ANK3: variants seen among roughly 807,000 people sequenced by gnomAD.
The protein encoded by ANK3 is ankyrin-3.
In ANK3, 57 loss-of-function variants were observed where a neutral mutation model predicts 370.9. That is an observed-to-expected ratio of 0.15 (90% confidence interval 0.12 to 0.19). The LOEUF is 0.19. Ranked by LOEUF, ANK3 falls within the 10% of genes least tolerant of loss-of-function variation. The pLI, the probability that ANK3 is intolerant of heterozygous loss-of-function variation, is 1.00. For missense variants in ANK3, 4,439 were observed against 5,302.1 expected, an observed-to-expected ratio of 0.84 and a Z score of 5.06; for synonymous variants, 1,929 against 1,946.3, an observed-to-expected ratio of 0.99 and a Z score of 0.23.
At chr10:60,375,097 G>C (rs1031601295) in intron 1 of ANK3, among the ~76,000 whole-genome samples, 18 of 152,126 alleles carry the variant, frequency 1.2e-4, no homozygotes, top group African/African-American at 4.3e-4. Context: ...TGTTTCTCTG[G>C]GTGATCTTTG....
chr10:60,125,638 A>T (rs1441238558), intron 25 of ANK3, among the ~76,000 whole-genome samples: 1 of 152,172 alleles, frequency 6.6e-6, no homozygotes, highest in Non-Finnish European at 1.5e-5. Flanking sequence ...AAATTAGCTT[A>T]TGTGAAAGAA....
intron 1 of ANK3, among the ~76,000 whole-genome samples, chr10:60,353,153 GTTTTGTTT>G: frequency 7.4e-6 from 1 of 135,868 alleles, no homozygotes; most frequent in Non-Finnish European, 1.6e-5. Flanking sequence ...GCTAATTTTT[GTTTTGTTT>G]TTTTTTTTTT....
intron 2 of ANK3, among the ~76,000 whole-genome samples, chr10:60,547,804 A>G (rs1164872321): frequency 6.6e-6 from 1 of 152,176 alleles, no homozygotes; most frequent in Non-Finnish European, 1.5e-5. Flanking sequence ...AAAGACAAGC[A>G]GTTACCTATT....
chr10:60,389,317 A>G, intron 1 of ANK3, 108 bp downstream of exon 1: 1 of 1,048,364 alleles, frequency 9.5e-7, no homozygotes, highest in Non-Finnish European at 1.4e-6. Flanking sequence ...CCCAATTTAC[A>G]CTCTACCCAG....
chr10:60,654,881 C>G (rs79232175), intron 1 of ANK3, among the ~76,000 whole-genome samples: 1 of 152,230 alleles, frequency 6.6e-6, no homozygotes, highest in East Asian at 1.9e-4. Flanking sequence ...CAGTCATACA[C>G]TGCACGTTGA....
chr10:60,475,033 A>T (rs1230288589), intron 2 of ANK3, among the ~76,000 whole-genome samples: 4 of 152,178 alleles, frequency 2.6e-5, no homozygotes, highest in African/African-American at 9.6e-5. Context: ...ACCTATTGAA[A>T]TGTGTGTCAT....
intron 1 of ANK3, among the ~76,000 whole-genome samples, chr10:60,370,460 A>G (rs1009729355): frequency 6.6e-6 from 1 of 152,170 alleles, no homozygotes; most frequent in African/African-American, 2.4e-5. Flanking sequence ...AAAAGAAAAA[A>G]TATATAAAAA....
intron 2 of ANK3, among the ~76,000 whole-genome samples, chr10:60,464,429 A>G (rs553691763): frequency 1.4e-4 from 21 of 152,318 alleles, no homozygotes; most frequent in African/African-American, 5.1e-4. Flanking sequence ...ATTCCAAGAT[A>G]TCTGACATAA....
At chr10:60,722,745 G>A (rs1004277702) in intron 1 of ANK3, among the ~76,000 whole-genome samples, 2 of 152,132 alleles carry the variant, frequency 1.3e-5, no homozygotes, top group African/African-American at 4.8e-5. Flanking sequence ...TGATGAGTGA[G>A]ATCTCACTCA....
chr10:60,276,515 G>A (rs534729488), intron 4 of ANK3, among the ~76,000 whole-genome samples: 1 of 152,308 alleles, frequency 6.6e-6, no homozygotes, highest in Admixed American at 6.5e-5. Flanking sequence ...AGATGAAGGG[G>A]CAAATGCTTT....
In ANK3 at chr10:60,075,981, A is replaced by G. The variant is rs750670521; in HGVS notation, c.4900T>C (p.Leu1634=). The G allele has an allele frequency of 4.3e-6, 7 of 1,614,176 alleles. No individual in the cohort carries two copies. The highest frequency in any genetic ancestry group is 4.5e-5 in the East Asian group (2 of 44,872). ...GTCATAGTAATTGATGACCTCTCCA[A>G]AAGAGACCCTGCTGTAGTCACTGGA... is the stretch of plus-strand genomic sequence containing the variant. ...TSPVTTAGSL[L]ERSSITMTPP... is the part of the protein sequence containing the mutation. Residue 1634 remains leucine (L), a synonymous_variant, in exon 37 of 44, where the codon TTG becomes CTG. Coordinates refer to ENST00000280772, the MANE Select transcript of ANK3 (RefSeq NM_020987.5).
rs377377043 is a variant in ANK3, at chr10:60,133,868, G to A, written c.2841+403C>T. The stretch of plus-strand genomic sequence containing the variant: ...CAGGAGGCAGAGGCTGCAGTGAGCT[G>A]ACATCATGCCACTGCACTCCAGCCT... On this transcript the variant is annotated intron_variant, in intron 25 of 43. Coordinates refer to ENST00000280772, the MANE Select transcript of ANK3 (RefSeq NM_020987.5). Among the ~76,000 whole-genome samples the A allele has an allele frequency of 8.3e-4, 127 of 152,242 alleles. 1 individual carries two copies. The highest frequency in any genetic ancestry group is 2.8e-3 in the African/African-American group (116 of 41,570).
chr10:60,375,160 A>G (rs112091663), intron 1 of ANK3, among the ~76,000 whole-genome samples: 2,566 of 152,300 alleles, frequency 0.017, 69 homozygotes, highest in African/African-American at 0.059. Flanking sequence ...AGATGTGAGA[A>G]AAAATAAGTC....
At chr10:60,109,615 T>G (rs2092528776) in intron 26 of ANK3, among the ~76,000 whole-genome samples, 1 of 152,168 alleles carries the variant, frequency 6.6e-6, no homozygotes, top group South Asian at 2.1e-4. Context: ...GTGATTTTGA[T>G]GGAAAGAGAT....
intron 1 of ANK3, among the ~76,000 whole-genome samples, chr10:60,695,405 T>C (rs1287517001): frequency 1.3e-5 from 2 of 152,150 alleles, no homozygotes; most frequent in Non-Finnish European, 2.9e-5. Context: ...GCAGACCTAA[T>C]AGACTTCTAC....
intron 2 of ANK3, among the ~76,000 whole-genome samples, chr10:60,440,124 G>A (rs188380064): frequency 6.6e-6 from 1 of 152,024 alleles, no homozygotes; most frequent in Non-Finnish European, 1.5e-5. Flanking sequence ...AAAAATCAGA[G>A]TAAGAGTAGA....
At chr10:60,109,230 T>G (rs2092481255) in intron 26 of ANK3, among the ~76,000 whole-genome samples, 176 bp from the exon 27 acceptor site, 1 of 152,216 alleles carries the variant, frequency 6.6e-6, no homozygotes. Flanking sequence ...ATTTAACTTG[T>G]GCACTTTGCA....
intron 2 of ANK3, among the ~76,000 whole-genome samples, chr10:60,469,737 T>C (rs959239528): frequency 1.0e-4 from 15 of 144,960 alleles, no homozygotes; most frequent in African/African-American, 2.3e-4. Context: ...ACTGAACATG[T>C]GCTGAATATA....
At chr10:60,245,559 T>A (rs1259664855) in intron 7 of ANK3, among the ~76,000 whole-genome samples, 1 of 152,238 alleles carries the variant, frequency 6.6e-6, no homozygotes, top group African/African-American at 2.4e-5. Context: ...CTCTATGGAT[T>A]TGCCTATTCT....
Sources: allele counts gnomAD v4.1 joint callset (sites outside exome capture counted in the v4.1 genomes callset), GRCh38; gene constraint gnomAD v4.1.1; transcripts MANE v1.5; gene names NCBI Gene and HGNC (gene_info 2026-07-23, HGNC 2026-07-21).